Variants in CLN6 observed in about 807,000 individuals in gnomAD.
The protein encoded by CLN6 is CLN6 transmembrane ER protein, also known as ceroid-lipofuscinosis neuronal protein 6.
In CLN6, 22 loss-of-function variants were observed where a neutral mutation model predicts 33.3. That is an observed-to-expected ratio of 0.66 (90% CI 0.47 to 0.94). The LOEUF (loss-of-function observed/expected upper bound fraction) is 0.94. Among genes scored for constraint, CLN6 ranks in the 40% least tolerant of loss-of-function variants. The pLI is 0.00. For missense variants in CLN6, 387 were observed against 417.1 expected (o/e 0.93, Z 0.63); for synonymous variants, 201 against 174.6 (o/e 1.15, Z -1.19).
chr15:68,233,482 C>T (rs1024712326), upstream of CLN6, among the ~76,000 whole-genome samples: 4 of 152,304 alleles, frequency 2.6e-5, no homozygotes, highest in South Asian at 2.1e-4. The surrounding 1 kb of genome is among the most constrained non-coding windows in gnomAD (Gnocchi z 4.3). Flanking sequence ...AGCCACACAG[C>T]GAGTTAGAAG....
At chr15:68,217,931 T>C (rs1417099144) in intron 2 of CLN6, among the ~76,000 whole-genome samples, 2 of 151,302 alleles carry the variant, frequency 1.3e-5, no homozygotes. Context: ...CTATCTTCCA[T>C]CCTCCCACTA....
Position 68,211,984 on chromosome 15 carries a change from A to C in CLN6, c.298-121T>G. ...CTTCCAGCTGGAATGTCACTCCAAA[A>C]AGTGGCTGGTCCCTTTAGCAGGCCA... On this transcript the variant is annotated intron_variant, in intron 3 of 6. Coordinates refer to ENST00000249806, the MANE Select transcript of CLN6 (RefSeq NM_017882.3). This position sits in a 1 kb window ranked among gnomAD's most constrained non-coding sequence, Gnocchi z 5.9. 9.5e-7 allele frequency: 1 copy of C among 1,053,032 alleles called. No homozygotes were observed. The highest frequency in any genetic ancestry group is 1.4e-6 in the Non-Finnish European group (1 of 721,352). The allele number at this position is 1,053,032 out of a possible 1,614,324, so 65.2% of individuals were successfully genotyped here.
chr15:68,244,295 A>T (rs1261003379), intron 1 of CLN6, among the ~76,000 whole-genome samples: 1 of 152,116 alleles, frequency 6.6e-6, no homozygotes, highest in Non-Finnish European at 1.5e-5. Flanking sequence ...CACAGAAAGG[A>T]TCCTAAAAGC....
chr15:68,222,095 C>A (rs542326646), intron 1 of CLN6, among the ~76,000 whole-genome samples: 8 of 143,976 alleles, frequency 5.6e-5, no homozygotes, highest in Admixed American at 2.8e-4. Context: ...AGCCCCTCTG[C>A]CCGGCCGCCC....
At position 68,228,794 on chromosome 15, in the gene CLN6, ACTGCCTGGCAC is replaced by A. The variant is rs1372438426; in HGVS notation, c.83+697_83+707del. On this transcript the variant is annotated intron_variant, in intron 1 of 6. Transcript: ENST00000249806. The surrounding 1 kb of genome is among the most constrained non-coding windows in gnomAD (Gnocchi z 4.4). ...CCACCTTCACCCTGCCTACCCCCTT[ACTGCCTGGCAC>A]AGCGCTGGGCATACCACAGGCGCTT... Among the ~76,000 whole-genome samples the A allele has an allele frequency of 2.0e-5, 3 of 151,970 alleles. No homozygotes were observed. Among genetic ancestry groups the A allele is most frequent in the Non-Finnish European group, 4.4e-5 (3 of 68,002 alleles).
chr15:68,247,513 G>A lies in CLN6; in HGVS notation c.179+9177C>T, dbSNP rs192847828. 8.5e-5 allele frequency among the ~76,000 whole-genome samples: 13 copies of A among 152,152 alleles called. No individual in the cohort carries two copies. The highest frequency in any genetic ancestry group is 2.1e-4 in the South Asian group (1 of 4,820). ...TCAAGGAAAACTACAAAGCACTGAA[G>A]AAATAAATTGAAGAGGACACAGCAA... On this transcript the variant is annotated intron_variant, in intron 1 of 6. Coordinates refer to the CLN6 transcript ENST00000538696. This position sits in a 1 kb window ranked among gnomAD's most constrained non-coding sequence, Gnocchi z 4.2.
chr15:68,208,094 G>GGGCCCCCCCCCCC lies in CLN6; in HGVS notation c.*45_*46insGGGGGGGGGGGCC. 4.4e-5 allele frequency: 60 copies of GGGCCCCCCCCCCC among 1,375,268 alleles called. No individual in the cohort carries two copies. Among genetic ancestry groups the GGGCCCCCCCCCCC allele is most frequent in the Non-Finnish European group, 5.3e-5 (53 of 992,014 alleles). The allele number at this position is 1,375,268 out of a possible 1,614,324, so 85.2% of individuals were successfully genotyped here. ...CTCCTGTATTCAGATGCCCTCCATGGCCCACCCTCCCACCCAGCAGAGCGC... is the reference window on the plus strand; with the variant it reads ...CTCCTGTATTCAGATGCCCTCCATGGGGCCCCCCCCCCCCCCACCCTCCCACCCAGCAGAGCGC... On this transcript the variant is annotated 3_prime_UTR_variant, in exon 7 of 7. Transcript: ENST00000249806. This position sits in a 1 kb window ranked among gnomAD's most constrained non-coding sequence, Gnocchi z 5.8.
In CLN6 at chr15:68,247,992, C is replaced by T. The variant is rs1306411415; in HGVS notation, c.179+8698G>A. Among the ~76,000 whole-genome samples, 1 of 148,724 alleles carries T rather than the reference C, an allele frequency of 6.7e-6. No homozygotes were observed. The highest frequency in any genetic ancestry group is 2.5e-5 in the African/African-American group (1 of 40,210). On this transcript the variant is annotated intron_variant, in intron 1 of 6. Coordinates refer to the CLN6 transcript ENST00000538696. The surrounding 1 kb of genome is among the most constrained non-coding windows in gnomAD (Gnocchi z 4.2). ...GCAGTGAGCTGAGATCGTGCCATTG[C>T]ACTCCAGCCTGGGCACTAACAGTGA...
chr15:68,226,823 G>C lies in CLN6; in HGVS notation c.83+2679C>G, dbSNP rs192523639. Among the ~76,000 whole-genome samples the C allele has an allele frequency of 2.3e-4, 33 of 140,562 alleles. 1 individual carries two copies. Among genetic ancestry groups the C allele is most frequent in the Admixed American group, 2.1e-3 (28 of 13,658 alleles). The allele number at this position is 140,562 out of a possible 152,430, so 92.2% of individuals were successfully genotyped here. On this transcript the variant is annotated intron_variant, in intron 1 of 6. Coordinates refer to ENST00000249806, the MANE Select transcript of CLN6 (RefSeq NM_017882.3). ...AATACATGCAAAAACTTAAGAGCAG[G>C]GCCTGATCCATAAAAAGTGCTAGTG...
chr15:68,209,925 G>A lies in CLN6; in HGVS notation c.543-166C>T, dbSNP rs780177384. 3.3e-5 allele frequency among the ~76,000 whole-genome samples: 5 copies of A among 152,106 alleles called. No homozygotes were observed. The highest frequency in any genetic ancestry group is 3.9e-4 in the East Asian group (2 of 5,184). ...CCACCCAACCTTGCCTGTGCTGGGC[G>A]TCAAAGGTGGGACAGAAACAGAAAC... On this transcript the variant is annotated intron_variant, in intron 5 of 6. Transcript: ENST00000249806. This position sits in a 1 kb window ranked among gnomAD's most constrained non-coding sequence, Gnocchi z 4.9.
chr15:68,226,045 C>T (rs909842056), intron 1 of CLN6, among the ~76,000 whole-genome samples: 4 of 151,768 alleles, frequency 2.6e-5, no homozygotes, highest in Admixed American at 1.3e-4. Context: ...CTTGGCTGGG[C>T]GCGGTGGCTC....
At chr15:68,226,687 G>A (rs932245689) in intron 1 of CLN6, among the ~76,000 whole-genome samples, 2 of 152,172 alleles carry the variant, frequency 1.3e-5, no homozygotes, top group South Asian at 2.1e-4. Context: ...GGCTGGTCTT[G>A]AACTCCTGAC....
At position 68,227,676 on chromosome 15, in the gene CLN6, G is replaced by A. The variant is rs777989445; in HGVS notation, c.83+1826C>T. Among the ~76,000 whole-genome samples the A allele has an allele frequency of 3.3e-5, 5 of 152,194 alleles. No individual in the cohort carries two copies. The highest frequency in any genetic ancestry group is 6.5e-5 in the Admixed American group (1 of 15,286). On this transcript the variant is annotated intron_variant, in intron 1 of 6. Transcript: ENST00000249806. This position sits in a 1 kb window ranked among gnomAD's most constrained non-coding sequence, Gnocchi z 4.1. ...AAGTGGAGTCGTAAGAGCAGAGCCC[G>A]TAAGTCAGAAACCCTGGGTTTAGGC...
Position 68,209,558 on chromosome 15 carries a change from T to A in CLN6, c.665+79A>T. ...AGTCTCCCTGGGGCCACACAGCAGGTCCATTGGCAAGTGCAGAATTTTGCT... is the reference window on the plus strand; with the variant it reads ...AGTCTCCCTGGGGCCACACAGCAGGACCATTGGCAAGTGCAGAATTTTGCT... On this transcript the variant is annotated intron_variant, in intron 6 of 6. Coordinates refer to ENST00000249806, the MANE Select transcript of CLN6 (RefSeq NM_017882.3). This position sits in a 1 kb window ranked among gnomAD's most constrained non-coding sequence, Gnocchi z 4.9. 5 of 1,584,986 alleles carry A rather than the reference T, an allele frequency of 3.2e-6. No homozygotes were observed. The highest frequency in any genetic ancestry group is 4.3e-6 in the Non-Finnish European group (5 of 1,163,932).
Position 68,211,656 on chromosome 15 carries a change from G to C in CLN6, c.486+19C>G, listed in dbSNP as rs2093205560. ...TGTGCTCCTAGGGCTTACAGGCAGG[G>C]AGCAGGAGGTGGCCTCACCAGCGTC... On this transcript the variant is annotated intron_variant, in intron 4 of 6. Coordinates refer to ENST00000249806, the MANE Select transcript of CLN6 (RefSeq NM_017882.3). The surrounding 1 kb of genome is among the most constrained non-coding windows in gnomAD (Gnocchi z 5.9). The C allele has an allele frequency of 6.2e-7, 1 of 1,612,642 alleles. No individual in the cohort carries two copies.
rs1485194350 is a variant in CLN6 at position 68,209,155 on chromosome 15, G to A, written c.665+482C>T. Among the ~76,000 whole-genome samples the A allele has an allele frequency of 6.6e-6, 1 of 152,116 alleles. No homozygotes were observed. The highest frequency in any genetic ancestry group is 1.5e-5 in the Non-Finnish European group (1 of 68,000). The stretch of plus-strand genomic sequence containing the variant: ...AAGACCCAAGGCCAGAAGCCCCTAC[G>A]CCATGAAACCCCCCAGTCTGGCCTC... On this transcript the variant is annotated intron_variant, in intron 6 of 6. Coordinates refer to ENST00000249806, the MANE Select transcript of CLN6 (RefSeq NM_017882.3). The surrounding 1 kb of genome is among the most constrained non-coding windows in gnomAD (Gnocchi z 4.9).
intron 1 of CLN6, among the ~76,000 whole-genome samples, chr15:68,222,811 A>C (rs576702398): frequency 5.9e-5 from 9 of 152,348 alleles, no homozygotes; most frequent in African/African-American, 2.2e-4. Flanking sequence ...GGATGCTGTT[A>C]GTCTATAACC....
Position 68,209,846 on chromosome 15 carries a change from G to T in CLN6, c.543-87C>A. On this transcript the variant is annotated intron_variant, in intron 5 of 6. Transcript: ENST00000249806. The surrounding 1 kb of genome is among the most constrained non-coding windows in gnomAD (Gnocchi z 4.9). ...GCAACCACTCCCATGGGGTCTCATG[G>T]AGTGCCACGTCACAGTTTACAAAAC... 3 of 1,572,632 alleles carry T rather than the reference G, an allele frequency of 1.9e-6. No homozygotes were observed. The highest frequency in any genetic ancestry group is 2.6e-6 in the Non-Finnish European group (3 of 1,150,024).
intron 1 of CLN6, among the ~76,000 whole-genome samples, chr15:68,225,648 G>T (rs559399559): frequency 2.2e-4 from 33 of 152,242 alleles, no homozygotes; most frequent in African/African-American, 6.7e-4. Flanking sequence ...TGTCACACAT[G>T]GCTAATTTTT....
Sources: allele counts gnomAD v4.1 joint callset (sites outside exome capture counted in the v4.1 genomes callset), GRCh38; gene constraint gnomAD v4.1.1; non-coding constraint Gnocchi (gnomAD v3.1); transcripts MANE v1.5; gene names NCBI Gene and HGNC (gene_info 2026-07-23, HGNC 2026-07-21).